Variants in RARB observed in about 807,000 individuals in gnomAD.
The protein encoded by RARB is HBV-activated protein.
Under a neutral mutation model 51.9 loss-of-function variants are expected in RARB, and 17 were observed. The observed-to-expected ratio is 0.33, with a 90% CI of 0.22 to 0.49. The LOEUF (loss-of-function observed/expected upper bound fraction) is 0.49. Among genes scored for constraint, RARB ranks in the 20% least tolerant of loss-of-function variants. The probability of loss-of-function intolerance (pLI) is 0.99; values close to 1 mark genes in which losing one functional copy is unlikely to be tolerated. For synonymous variants in RARB, 215 were observed against 195.4 expected, an observed-to-expected ratio of 1.10 and a Z score of -0.84; for missense variants, 369 against 550.8, an observed-to-expected ratio of 0.67 and a Z score of 3.30.
At chr3:25,119,312 C>T (rs916838908) in intron 3 of RARB, among the ~76,000 whole-genome samples, 26 of 152,082 alleles carry the variant, frequency 1.7e-4, no homozygotes, top group Admixed American at 1.5e-3. Context: ...GCTTTGAAAT[C>T]AGATTTTTCA....
At chr3:25,253,717 T>A (rs184654948) in intron 5 of RARB, among the ~76,000 whole-genome samples, 5 of 152,254 alleles carry the variant, frequency 3.3e-5, no homozygotes, top group Non-Finnish European at 7.4e-5. Flanking sequence ...CCACAAGAGA[T>A]GATTTATCTA....
At chr3:25,218,455 G>A (rs1482783038) in intron 5 of RARB, among the ~76,000 whole-genome samples, 1 of 152,062 alleles carries the variant, frequency 6.6e-6, no homozygotes, top group Non-Finnish European at 1.5e-5. Context: ...TTGTAAAATA[G>A]AAACATGCTC....
chr3:25,161,473 C>A (rs1575188589), intron 4 of RARB, among the ~76,000 whole-genome samples: 2 of 152,272 alleles, frequency 1.3e-5, no homozygotes, highest in East Asian at 3.9e-4. Context: ...ATTGCTGGCT[C>A]TGTTTCACAG....
At chr3:25,054,990 G>A (rs1376285007) in intron 2 of RARB, among the ~76,000 whole-genome samples, 5 of 152,132 alleles carry the variant, frequency 3.3e-5, no homozygotes, top group Non-Finnish European at 7.4e-5. Flanking sequence ...TTACCATGTA[G>A]ATATAATGTA....
intron 3 of RARB, among the ~76,000 whole-genome samples, chr3:25,503,895 C>T (rs984637863): frequency 3.9e-5 from 6 of 152,154 alleles, no homozygotes; most frequent in Non-Finnish European, 7.3e-5. Flanking sequence ...ATTTGACGTA[C>T]AAGTACACTA....
intron 2 of RARB, among the ~76,000 whole-genome samples, chr3:24,881,823 C>G (rs1471345627): frequency 6.6e-6 from 1 of 152,056 alleles, no homozygotes; most frequent in Non-Finnish European, 1.5e-5. Flanking sequence ...TGAAAATAAT[C>G]AAATTGATCA....
At chr3:25,507,341 A>T (rs1185727911) in intron 3 of RARB, among the ~76,000 whole-genome samples, 1 of 152,214 alleles carries the variant, frequency 6.6e-6, no homozygotes, top group Non-Finnish European at 1.5e-5. Flanking sequence ...AGGCAAAACA[A>T]TTCTAGGTGT....
intron 3 of RARB, among the ~76,000 whole-genome samples, chr3:25,526,176 G>C (rs1381223028): frequency 6.6e-6 from 1 of 152,166 alleles, no homozygotes; most frequent in East Asian, 1.9e-4. Context: ...GGAGAGCAAA[G>C]GGGAGAAGTT....
chr3:25,559,964 T>C (rs893110977), intron 3 of RARB, among the ~76,000 whole-genome samples: 1 of 152,196 alleles, frequency 6.6e-6, no homozygotes, highest in Non-Finnish European at 1.5e-5. Flanking sequence ...GACAGATGGA[T>C]GGATGGATGA....
At chr3:25,279,242 A>C (rs1825370) in intron 5 of RARB, among the ~76,000 whole-genome samples, 143,286 of 152,258 alleles carry the variant, frequency 0.94, 67,619 homozygotes, top group Non-Finnish European at 0.98. Flanking sequence ...TTCTGCCTTC[A>C]AACTTCCTTC....
Position 25,396,737 on chromosome 3 carries a change from C to G in RARB, c.179-64456C>G, listed in dbSNP as rs577997799. 1.6e-4 allele frequency among the ~76,000 whole-genome samples: 24 copies of G among 152,172 alleles called. 1 individual carries two copies. In the South Asian group the frequency reaches 5.0e-3, roughly 32 times the overall value. On this transcript the variant is annotated intron_variant, in intron 5 of 11. Transcript: ENST00000383772. ...GCGCTGTGGAGATGGGGGTGTGGTTCTCAGGCCCATGGAGTTATGTTCCCA... is the reference window on the plus strand; with the variant it reads ...GCGCTGTGGAGATGGGGGTGTGGTTGTCAGGCCCATGGAGTTATGTTCCCA...
intron 5 of RARB, among the ~76,000 whole-genome samples, chr3:25,218,459 C>A (rs1011275281): frequency 6.6e-6 from 1 of 151,912 alleles, no homozygotes; most frequent in Admixed American, 6.6e-5. Flanking sequence ...AAAATAGAAA[C>A]ATGCTCAGCA....
At chr3:25,267,895 A>C (rs1703162037) in intron 5 of RARB, among the ~76,000 whole-genome samples, 1 of 152,166 alleles carries the variant, frequency 6.6e-6, no homozygotes, top group Non-Finnish European at 1.5e-5. Flanking sequence ...ATGAGCATAG[A>C]AATCTAATAT....
At chr3:24,846,763 CAGTG>C in intron 1 of RARB, among the ~76,000 whole-genome samples, 1 of 151,940 alleles carries the variant, frequency 6.6e-6, no homozygotes, top group East Asian at 1.9e-4. Flanking sequence ...CCTTCACTGT[CAGTG>C]AGAGCACTTT....
intron 3 of RARB, among the ~76,000 whole-genome samples, chr3:25,561,986 T>C (rs1489680628): frequency 6.6e-6 from 1 of 152,020 alleles, no homozygotes; most frequent in African/African-American, 2.4e-5. Flanking sequence ...TATAAAGGAG[T>C]GTGCTTGTAT....
chr3:24,887,697 T>C (rs1703290790), intron 2 of RARB, among the ~76,000 whole-genome samples: 4 of 152,340 alleles, frequency 2.6e-5, no homozygotes, highest in Non-Finnish European at 5.9e-5. Context: ...GACTCTACAC[T>C]GTGACTTCTG....
chr3:24,851,201 G>A (rs1702550714), intron 1 of RARB, among the ~76,000 whole-genome samples: 1 of 152,114 alleles, frequency 6.6e-6, no homozygotes, highest in African/African-American at 2.4e-5. Flanking sequence ...TTGAGAGGGG[G>A]AGAATTGCTT....
At chr3:24,833,029 T>C (rs1702301885) in intron 1 of RARB, 2 of 152,234 alleles carry the variant, frequency 1.3e-5, no homozygotes, top group Admixed American at 1.3e-4. Context: ...TGTCTGCACA[T>C]GTTAATCTCC....
intron 2 of RARB, among the ~76,000 whole-genome samples, chr3:25,494,281 G>GCACACACACACACACACACC (rs1357425880): frequency 1.9e-5 from 1 of 51,604 alleles, no homozygotes; most frequent in African/African-American, 2.3e-4. Context: ...ACACACACAT[G>GCACACACACACACACACACC]CCATCATTTA....
Sources: gnomAD v4.1 joint callset for allele counts (sites outside exome capture counted in the v4.1 genomes callset) on GRCh38, gnomAD v4.1.1 for gene constraint, MANE v1.5 for transcripts, NCBI Gene and HGNC (gene_info 2026-07-23, HGNC 2026-07-21) for gene names.